The following ADAMTS6 variants were observed in gnomAD, a reference collection of about 807,000 sequenced individuals.
ADAMTS6 encodes the protein A disintegrin and metalloproteinase with thrombospondin motifs 6.
Under a neutral mutation model 144.3 loss-of-function variants are expected in ADAMTS6, and 23 were observed. That is an observed-to-expected ratio of 0.16 (90% CI 0.11 to 0.23). ADAMTS6 has a LOEUF of 0.23. Ranked by LOEUF, ADAMTS6 falls within the 10% of genes least tolerant of loss-of-function variation. The pLI is 1.00. For missense variants in ADAMTS6, 999 were observed against 1,379.6 expected (o/e 0.72, Z 4.37); for synonymous variants, 444 against 457.5 (o/e 0.97, Z 0.38).
chr5:65,154,205 C>T (rs1410923856), intron 24 of ADAMTS6, among the ~76,000 whole-genome samples: 1 of 152,154 alleles, frequency 6.6e-6, no homozygotes, highest in Admixed American at 6.5e-5. Flanking sequence ...TAGACTCCGT[C>T]TCAAAAAACA....
chr5:65,371,164 T>TG (rs1458710424), intron 7 of ADAMTS6, among the ~76,000 whole-genome samples: 4 of 151,582 alleles, frequency 2.6e-5, no homozygotes, highest in Admixed American at 6.6e-5. Flanking sequence ...ACCACAAAGA[T>TG]GGGGAAAAAA....
chr5:65,465,576 C>T (rs1386462874), intron 3 of ADAMTS6, among the ~76,000 whole-genome samples: 1 of 152,164 alleles, frequency 6.6e-6, no homozygotes, highest in Non-Finnish European at 1.5e-5. Context: ...TTCTCTCCTC[C>T]CACTCCATTT....
intron 22 of ADAMTS6, among the ~76,000 whole-genome samples, chr5:65,175,857 C>G (rs1444887569): frequency 1.5e-5 from 2 of 134,152 alleles, no homozygotes; most frequent in Non-Finnish European, 3.2e-5. Context: ...GATGGTTCCT[C>G]CCAGGTAATT....
At chr5:65,183,817 G>A (rs369023219) in intron 22 of ADAMTS6, among the ~76,000 whole-genome samples, 20 of 152,202 alleles carry the variant, frequency 1.3e-4, no homozygotes, top group East Asian at 3.9e-4. Context: ...ATGTTTTTGC[G>A]TAACTTTTGA....
rs370123934 is a variant in ADAMTS6 at position 65,215,315 on chromosome 5, C to T, written c.2436+9G>A. ...AACAGAAGAAATACAATGGCAAAGA[C>T]GCATTTACCATGACGATGAGATTTT... On this transcript the variant is annotated intron_variant, in intron 19 of 24. Transcript: ENST00000381055. 29 of 1,611,656 alleles carry T rather than the reference C, an allele frequency of 1.8e-5. No homozygotes were observed. In the East Asian group the frequency reaches 2.0e-4, roughly 11 times the overall value.
Position 65,215,439 on chromosome 5 carries a change from A to G in ADAMTS6, c.2321T>C (p.Ile774Thr). Residue 774 changes from isoleucine (I) to threonine (T), a missense_variant, in exon 19 of 25, where the codon ATT becomes ACT. Coordinates refer to ENST00000381055, the MANE Select transcript of ADAMTS6 (RefSeq NM_197941.4). ...AACATCAAATTTCCTAGGCCAGTCA[A>G]TAGTCCAGGCACCATTAATATAGTA... ...DDYYINGAWT[I>T]DWPRKFDVAG... is the part of the protein sequence containing the mutation. The G allele has an allele frequency of 6.2e-7, 1 of 1,614,070 alleles. No individual in the cohort carries two copies. The highest frequency in any genetic ancestry group is 8.5e-7 in the Non-Finnish European group (1 of 1,179,944).
intron 12 of ADAMTS6, among the ~76,000 whole-genome samples, chr5:65,271,928 T>G (rs1032144101): frequency 6.6e-6 from 1 of 152,216 alleles, no homozygotes; most frequent in African/African-American, 2.4e-5. Flanking sequence ...TGTATTTTTA[T>G]TGGCTACTTA....
At chr5:65,154,295 T>C (rs1323731342) in intron 24 of ADAMTS6, among the ~76,000 whole-genome samples, 1 of 152,244 alleles carries the variant, frequency 6.6e-6, no homozygotes, top group East Asian at 1.9e-4. Flanking sequence ...GACTCTTCTC[T>C]ACATGCAGAG....
chr5:65,223,877 G>T (rs1028688221), intron 18 of ADAMTS6, among the ~76,000 whole-genome samples: 31 of 150,094 alleles, frequency 2.1e-4, no homozygotes, highest in African/African-American at 7.4e-4. Flanking sequence ...TCCACTCACT[G>T]CAAGCTCTGC....
intron 14 of ADAMTS6, among the ~76,000 whole-genome samples, chr5:65,255,592 G>A (rs946039031): frequency 2.0e-5 from 3 of 152,176 alleles, no homozygotes; most frequent in Non-Finnish European, 4.4e-5. Context: ...CACTGGAACA[G>A]TTTATCTTTT....
intron 7 of ADAMTS6, among the ~76,000 whole-genome samples, chr5:65,346,184 C>A (rs979596290): frequency 6.6e-6 from 1 of 151,728 alleles, no homozygotes; most frequent in Non-Finnish European, 1.5e-5. Flanking sequence ...AAGAACATTA[C>A]AAGAAAAGAA....
chr5:65,248,179 A>T (rs1043431516), intron 14 of ADAMTS6, among the ~76,000 whole-genome samples: 31 of 152,206 alleles, frequency 2.0e-4, no homozygotes, highest in African/African-American at 7.5e-4. Context: ...AAAGTAATTC[A>T]TACTAGGGCA....
intron 9 of ADAMTS6, among the ~76,000 whole-genome samples, chr5:65,319,456 G>A (rs2112874166): frequency 6.7e-6 from 1 of 150,196 alleles, no homozygotes; most frequent in Non-Finnish European, 1.5e-5. Context: ...GACGTGGAAG[G>A]ACTGCTTAAG....
At chr5:65,233,474 A>G (rs1218499731) in intron 15 of ADAMTS6, among the ~76,000 whole-genome samples, 1 of 152,140 alleles carries the variant, frequency 6.6e-6, no homozygotes, top group Non-Finnish European at 1.5e-5. Flanking sequence ...AAACTAATAC[A>G]AAAATTCAGT....
chr5:65,423,695 A>G (rs943377102), intron 7 of ADAMTS6, among the ~76,000 whole-genome samples: 3 of 152,148 alleles, frequency 2.0e-5, no homozygotes, highest in Admixed American at 6.5e-5. Flanking sequence ...AACATTAAAG[A>G]ATAAACAAAA....
chr5:65,225,343 G>A (rs1464741529), intron 16 of ADAMTS6, among the ~76,000 whole-genome samples: 1 of 152,114 alleles, frequency 6.6e-6, no homozygotes, highest in East Asian at 1.9e-4. Context: ...GTAGCCAGAA[G>A]GATAGAAACT....
chr5:65,309,591 T>TACACACACACAC (rs149843490), intron 9 of ADAMTS6, among the ~76,000 whole-genome samples: 271 of 147,290 alleles, frequency 1.8e-3, no homozygotes, highest in African/African-American at 6.4e-3. Flanking sequence ...CCTGTTATAA[T>TACACACACACAC]ACACACACAC....
At chr5:65,262,682 G>T in intron 13 of ADAMTS6, 135 bp downstream of exon 13, 3 of 1,002,812 alleles carry the variant, frequency 3.0e-6, no homozygotes, top group Non-Finnish European at 4.0e-6. Flanking sequence ...CCACTTTCCT[G>T]TGCCTATGGC....
intron 9 of ADAMTS6, among the ~76,000 whole-genome samples, chr5:65,325,122 G>T (rs1394549754): frequency 1.3e-5 from 2 of 152,086 alleles, no homozygotes; most frequent in African/African-American, 4.8e-5. Flanking sequence ...GGAGATCCAT[G>T]GTTGTCTGGG....
Sources: gnomAD v4.1 joint callset for allele counts (sites outside exome capture counted in the v4.1 genomes callset) on GRCh38, gnomAD v4.1.1 for gene constraint, MANE v1.5 for transcripts, NCBI Gene and HGNC (gene_info 2026-07-23, HGNC 2026-07-21) for gene names.